The following NOD2 variants were observed in gnomAD, a reference collection of about 807,000 sequenced individuals.
NOD2 encodes the protein nucleotide-binding oligomerization domain-containing protein 2.
Under a neutral mutation model 90.9 loss-of-function variants are expected in NOD2, and 86 were observed. The observed-to-expected ratio is 0.95, with a 90% CI of 0.79 to 1.13. The LOEUF (loss-of-function observed/expected upper bound fraction) is 1.13, where lower values mean the gene tolerates loss of function less well. Ranked by LOEUF, NOD2 falls within the 50% of genes most tolerant of loss-of-function variation. The probability of loss-of-function intolerance (pLI) is 0.00; values close to 1 mark genes in which losing one functional copy is unlikely to be tolerated. For synonymous variants in NOD2, 581 were observed against 554.6 expected, an observed-to-expected ratio of 1.05 and a Z score of -0.67; for missense variants, 1,238 against 1,283.8, an observed-to-expected ratio of 0.96 and a Z score of 0.55.
intron 7 of NOD2, 38 bp from the exon 8 acceptor site, chr16:50,722,584 T>A (rs775274967): frequency 7.0e-6 from 11 of 1,574,064 alleles, no homozygotes; most frequent in Non-Finnish European, 9.6e-6. Context: ...TATCAGGTAC[T>A]CACTGACACT....
intron 1 of NOD2, among the ~76,000 whole-genome samples, chr16:50,698,918 T>A (rs1016062442): frequency 2.7e-5 from 4 of 150,250 alleles, no homozygotes; most frequent in Admixed American, 1.3e-4. Flanking sequence ...GATCTCTCTC[T>A]CTCTCTCTGT....
chr16:50,712,275 C>A lies in NOD2; in HGVS notation c.2283C>A (p.His761Gln), dbSNP rs748697332. 1.2e-6 allele frequency: 2 copies of A among 1,614,002 alleles called. No individual in the cohort carries two copies. The highest frequency in any genetic ancestry group is 2.2e-5 in the South Asian group (2 of 91,088). ...ECAALAFVLQ[H>Q]LRRPVALQLD... Reference sequence around the variant, plus strand: ...CTGCCCTGGCCTTTGTGCTGCAGCACCTCCGGCGGCCCGTGGCCCTGCAGC... The same window carrying A: ...CTGCCCTGGCCTTTGTGCTGCAGCAACTCCGGCGGCCCGTGGCCCTGCAGC... Residue 761 changes from histidine to glutamine, a missense_variant, in exon 4 of 12, where the codon CAC becomes CAA. By Grantham distance (24) the His-to-Gln change is conservative. This residue lies in a region of NOD2 where 667 missense variants were observed against 688.7 expected (regional missense o/e 0.97). Transcript: ENST00000647318.
chr16:50,704,054 G>C (rs1964067861), intron 2 of NOD2, among the ~76,000 whole-genome samples: 1 of 152,218 alleles, frequency 6.6e-6, no homozygotes, highest in African/African-American at 2.4e-5. Context: ...AGCTGACTGA[G>C]GCAGCGGGAG....
In NOD2 at chr16:50,696,420, A is replaced by G. The variant is rs199475906; in HGVS notation, c.-9+2758A>G. The G allele has an allele frequency of 6.6e-6, 1 of 152,392 alleles. No individual in the cohort carries two copies. The highest frequency in any genetic ancestry group is 1.5e-5 in the Non-Finnish European group (1 of 68,060). The allele number at this position is 152,392 out of a possible 1,614,324, so 9.4% of individuals were successfully genotyped here. On this transcript the variant is annotated intron_variant, in intron 1 of 11. Coordinates refer to ENST00000647318, the MANE Select transcript of NOD2 (RefSeq NM_001370466.1). ...TTTGAAGTTGTAGTAACTGAAGTAG[A>G]GATCAAAAGGCAATGCAGATAGACT...
At chr16:50,706,373 A>G (rs1285992318) in intron 2 of NOD2, among the ~76,000 whole-genome samples, 1 of 152,152 alleles carries the variant, frequency 6.6e-6, no homozygotes, top group African/African-American at 2.4e-5. Context: ...TACAGGAGCA[A>G]TGTGACCTGA....
At chr16:50,704,769 C>T (rs904651425) in intron 2 of NOD2, among the ~76,000 whole-genome samples, 16 of 152,180 alleles carry the variant, frequency 1.1e-4, no homozygotes, top group Non-Finnish European at 1.9e-4. Context: ...CTGCCTACTT[C>T]GGCCTCCCAA....
In NOD2 at chr16:50,712,473, G is replaced by A. The variant is rs902519826; in HGVS notation, c.2381+100G>A. On this transcript the variant is annotated intron_variant, in intron 4 of 11. Transcript: ENST00000647318. ...GCTCTAGAAGTCTGGGCCCAGCTTCGCCTCTGCCACCCTGCTTTGCAACAC... is the reference window on the plus strand; with the variant it reads ...GCTCTAGAAGTCTGGGCCCAGCTTCACCTCTGCCACCCTGCTTTGCAACAC... 38 of 1,487,832 alleles carry A rather than the reference G, an allele frequency of 2.6e-5. 1 individual carries two copies. The highest frequency in any genetic ancestry group is 2.4e-4 in the Middle Eastern group (1 of 4,250). The allele number at this position is 1,487,832 out of a possible 1,614,324, so 92.2% of individuals were successfully genotyped here.
Position 50,716,685 on chromosome 16 carries a change from G to A in NOD2, c.2465+15G>A, listed in dbSNP as rs769791050. 1.2e-6 allele frequency: 2 copies of A among 1,613,520 alleles called. No homozygotes were observed. Among genetic ancestry groups the A allele is most frequent in the Non-Finnish European group, 1.7e-6 (2 of 1,179,490 alleles). On this transcript the variant is annotated intron_variant, in intron 5 of 11. Coordinates refer to ENST00000647318, the MANE Select transcript of NOD2 (RefSeq NM_001370466.1). ...CAGAAGTTAGCGTAAGTCAGCCTGG[G>A]CTGTGGACAATGGGCTCCAAGTGCC...
intron 7 of NOD2, among the ~76,000 whole-genome samples, chr16:50,720,860 A>G (rs1293816558): frequency 6.6e-6 from 1 of 152,104 alleles, no homozygotes; most frequent in Non-Finnish European, 1.5e-5. Flanking sequence ...GCTAGAGTGC[A>G]GTGGCACGAT....
At chr16:50,695,023 A>G (rs367883697) in intron 1 of NOD2, among the ~76,000 whole-genome samples, 3 of 152,182 alleles carry the variant, frequency 2.0e-5, no homozygotes, top group East Asian at 1.9e-4. Flanking sequence ...GGTGAGCCAC[A>G]TGAGTATCTG....
chr16:50,716,665 G>A lies in NOD2; in HGVS notation c.2460G>A (p.Lys820=), dbSNP rs771701417. The change falls in exon 5 of 12, where the codon AAG becomes AAA. Residue 820 remains lysine (K), a synonymous_variant. Transcript: ENST00000647318. The part of the protein sequence containing the change: ...ECALHCEQLQ[K]LALFNNKLTD... ...CTCTTCACTGCGAGCAATTGCAGAA[G>A]TTAGCGTAAGTCAGCCTGGGCTGTG... is the stretch of plus-strand genomic sequence containing the variant. The A allele has an allele frequency of 1.2e-6, 2 of 1,614,146 alleles. No individual in the cohort carries two copies. The highest frequency in any genetic ancestry group is 2.2e-5 in the East Asian group (1 of 44,890).
rs1309982565 is a variant in NOD2, at chr16:50,732,553, A to G, written c.*734A>G. 1 of 152,356 alleles carries G rather than the reference A, an allele frequency of 6.6e-6. No individual in the cohort carries two copies. Among genetic ancestry groups the G allele is most frequent in the African/African-American group, 2.4e-5 (1 of 41,224 alleles). 9.4% of individuals were successfully genotyped at this position (152,356 alleles called of 1,614,324 possible). On this transcript the variant is annotated 3_prime_UTR_variant, in exon 12 of 12. Transcript: ENST00000647318. ...AGGTTTGCAAGAAAAATATGACCACACTCCAGCTGGGATCACATGTGGACT... is the reference window on the plus strand; with the variant it reads ...AGGTTTGCAAGAAAAATATGACCACGCTCCAGCTGGGATCACATGTGGACT...
chr16:50,711,853 T>C lies in NOD2; in HGVS notation c.1861T>C (p.Cys621Arg). ...SPMARLLPTM[C>R]IQASEGKDSS... ...AATGGCCAGGCTCCTGCCCACGATG[T>C]GCATCCAGGCCTCGGAGGGAAAGGA... The change falls in exon 4 of 12, where the codon TGC becomes CGC. Residue 621 changes from cysteine to arginine, a missense_variant. Physicochemically the swap from Cys to Arg is radical, Grantham distance 180. Transcript: ENST00000647318. 1 of 1,612,524 alleles carries C rather than the reference T, an allele frequency of 6.2e-7. No homozygotes were observed. The highest frequency in any genetic ancestry group is 8.5e-7 in the Non-Finnish European group (1 of 1,178,680).
chr16:50,715,439 G>A (rs1398389141), intron 4 of NOD2, among the ~76,000 whole-genome samples: 1 of 150,804 alleles, frequency 6.6e-6, no homozygotes, highest in African/African-American at 2.4e-5. Context: ...TTTTTGAGAC[G>A]GAGTCTCGTT....
At chr16:50,723,257 T>C in intron 8 of NOD2, 44 bp from the exon 9 acceptor site, 1 of 1,577,690 alleles carries the variant, frequency 6.3e-7, no homozygotes, top group Non-Finnish European at 8.7e-7. Context: ...ATCTCTGAGG[T>C]CTTTCCCTGC....
At position 50,699,597 on chromosome 16, in the gene NOD2, G is replaced by GTCCTGGGAGGTCCTC. The variant is rs1963830700; in HGVS notation, c.113_127dup (p.Val38_Glu42dup). 6.2e-7 allele frequency: 1 copy of GTCCTGGGAGGTCCTC among 1,614,058 alleles called. No individual in the cohort carries two copies. The highest frequency in any genetic ancestry group is 1.7e-4 in the Middle Eastern group (1 of 6,046). On this transcript the variant is annotated inframe_insertion, in exon 2 of 12. Coordinates refer to ENST00000647318, the MANE Select transcript of NOD2 (RefSeq NM_001370466.1). The stretch of plus-strand genomic sequence containing the variant: ...TCGAGAGTGTCCTGGACTGGCTGCT[G>GTCCTGGGAGGTCCTC]TCCTGGGAGGTCCTCTCCTGGGAGG...
chr16:50,725,216 G>C (rs1467711599), intron 9 of NOD2, among the ~76,000 whole-genome samples: 2 of 152,202 alleles, frequency 1.3e-5, no homozygotes, highest in African/African-American at 4.8e-5. Context: ...CTGTCCAAAT[G>C]AAATGAGACT....
At chr16:50,727,210 C>G (rs535404854) in intron 10 of NOD2, among the ~76,000 whole-genome samples, 12 of 151,878 alleles carry the variant, frequency 7.9e-5, no homozygotes, top group Non-Finnish European at 1.8e-4. Flanking sequence ...AACCAGACAG[C>G]CTGGGTCTTA....
chr16:50,722,597 C>G (rs1965107594), intron 7 of NOD2, 25 bp from the exon 8 acceptor site: 2 of 1,608,072 alleles, frequency 1.2e-6, no homozygotes, highest in African/African-American at 2.7e-5. Flanking sequence ...CTGACACTGT[C>G]TGTTGACTCT....
Sources: gnomAD v4.1 joint callset for allele counts (sites outside exome capture counted in the v4.1 genomes callset) on GRCh38, gnomAD v4.1.1 for gene constraint, gnomAD v4.1.1 regional missense constraint, MANE v1.5 for transcripts, NCBI Gene and HGNC (gene_info 2026-07-23, HGNC 2026-07-21) for gene names.